Variants in PIEZO2 observed in about 807,000 individuals in gnomAD.
PIEZO2 encodes piezo type mechanosensitive ion channel component 2.
PIEZO2 carries 172 observed loss-of-function variants against 337.3 expected under a neutral mutation model. The observed-to-expected ratio is 0.51, with a 90% CI of 0.45 to 0.58. The LOEUF is 0.58. PIEZO2 is among the 20% of genes least tolerant of loss of function. The pLI is 0.00. For synonymous variants in PIEZO2, 1,251 were observed against 1,228.5 expected (o/e 1.02, Z -0.38); for missense variants, 3,028 against 3,391.3 (o/e 0.89, Z 2.66).
chr18:10,978,567 G>T lies in PIEZO2; in HGVS notation c.286+968C>A, dbSNP rs1270118130. Among the ~76,000 whole-genome samples, 3 of 152,124 alleles carry T rather than the reference G, an allele frequency of 2.0e-5. No homozygotes were observed. The East Asian group carries it at 5.8e-4, about 29-fold the overall frequency. ...TCTATCTAACAGTTATGCAGTGAGG[G>T]ATAATAGTTTATGTATATAAATTTT... On this transcript the variant is annotated intron_variant, in intron 3 of 55. Transcript: ENST00000674853.
intron 35 of PIEZO2, among the ~76,000 whole-genome samples, chr18:10,732,821 C>G (rs1007640595): frequency 1.3e-5 from 2 of 152,140 alleles, no homozygotes; most frequent in African/African-American, 4.8e-5. Context: ...AGTTATAGTA[C>G]ATTAATAAGC....
In PIEZO2 at chr18:10,962,414, G is replaced by A. The variant is rs1363385037; in HGVS notation, c.286+17121C>T. 6.6e-6 allele frequency among the ~76,000 whole-genome samples: 1 copy of A among 152,100 alleles called. No homozygotes were observed. The highest frequency in any genetic ancestry group is 6.5e-5 in the Admixed American group (1 of 15,270). On this transcript the variant is annotated intron_variant, in intron 3 of 55. Transcript: ENST00000674853. This position sits in a 1 kb window ranked among gnomAD's most constrained non-coding sequence, Gnocchi z 4.1. ...TTCTCAATTGTCCCTTAACACTCCT[G>A]TGAGGGGACAACCCTAAAGCCTGGG...
intron 1 of PIEZO2, among the ~76,000 whole-genome samples, chr18:11,136,825 A>G (rs1042443479): frequency 1.3e-5 from 2 of 152,198 alleles, no homozygotes; most frequent in African/African-American, 4.8e-5. Flanking sequence ...CTGAGATCTC[A>G]TAGTCTACAA....
Position 11,048,641 on chromosome 18 carries a change from C to G in PIEZO2, c.160+17486G>C, listed in dbSNP as rs2037409539. Among the ~76,000 whole-genome samples, 1 of 152,158 alleles carries G rather than the reference C, an allele frequency of 6.6e-6. No individual in the cohort carries two copies. The highest frequency in any genetic ancestry group is 2.1e-4 in the South Asian group (1 of 4,824). On this transcript the variant is annotated intron_variant, in intron 2 of 55. Transcript: ENST00000674853. This position sits in a 1 kb window ranked among gnomAD's most constrained non-coding sequence, Gnocchi z 4.5. ...ATAACTGAATTATTTATATTAGAAG[C>G]TTTCACTCACTGAATCAATTTTTAA...
chr18:10,705,466 A>G lies in PIEZO2; in HGVS notation c.5869T>C (p.Ser1957Pro), dbSNP rs2035539589. 1 of 1,537,118 alleles carries G rather than the reference A, an allele frequency of 6.5e-7. No individual in the cohort carries two copies. Among genetic ancestry groups the G allele is most frequent in the Non-Finnish European group, 8.7e-7 (1 of 1,146,920 alleles). ...TTCTTGCCTGCAGAGTCGTCCTGCG[A>G]GCCGAAGGACAGATGCTCGAAGCTC... Reference protein sequence around the residue: ...AVSFEHLSFGSQDDSAGKNRM... With the variant: ...AVSFEHLSFGPQDDSAGKNRM... The change falls in exon 41 of 56, where the codon TCG becomes CCG. Residue 1957 changes from serine to proline, a missense_variant. By Grantham distance (74) the Ser-to-Pro change is moderately conservative. Coordinates refer to ENST00000674853, the MANE Select transcript of PIEZO2 (RefSeq NM_001378183.1).
intron 51 of PIEZO2, among the ~76,000 whole-genome samples, chr18:10,681,451 A>G (rs1274610927): frequency 6.6e-6 from 1 of 152,230 alleles, no homozygotes; most frequent in African/African-American, 2.4e-5. Context: ...CAATATTTAA[A>G]TGTTTATTAC....
chr18:10,742,052 G>A (rs1040923808), intron 32 of PIEZO2, among the ~76,000 whole-genome samples: 2 of 152,316 alleles, frequency 1.3e-5, no homozygotes, highest in East Asian at 3.9e-4. Flanking sequence ...CTACTCGGGA[G>A]GCTGAGGCAG....
rs946894669 is a variant in PIEZO2, at chr18:11,112,385, C to A, written c.64+36140G>T. On this transcript the variant is annotated intron_variant, in intron 1 of 55. Transcript: ENST00000674853. The surrounding 1 kb of genome is among the most constrained non-coding windows in gnomAD (Gnocchi z 4.3). Reference sequence around the variant, plus strand: ...CTGGTCCAGTCATTCTGAGAACAACCCTTCAACGCTTTAATTAAAGAGGCC... The same window carrying A: ...CTGGTCCAGTCATTCTGAGAACAACACTTCAACGCTTTAATTAAAGAGGCC... Among the ~76,000 whole-genome samples the A allele has an allele frequency of 6.6e-6, 1 of 152,146 alleles. No homozygotes were observed. The highest frequency in any genetic ancestry group is 2.1e-4 in the South Asian group (1 of 4,824).
In PIEZO2 at chr18:10,833,192, C is replaced by T. The variant is rs1466809628; in HGVS notation, c.917+22161G>A. 1.3e-5 allele frequency among the ~76,000 whole-genome samples: 2 copies of T among 152,174 alleles called. No individual in the cohort carries two copies. Among genetic ancestry groups the T allele is most frequent in the African/African-American group, 4.8e-5 (2 of 41,448 alleles). ...GGCAGGATGGGGCAGTCGTCATGAA[C>T]ATGGCACATGGAGCATGGTTGAGGG... On this transcript the variant is annotated intron_variant, in intron 7 of 55. Transcript: ENST00000674853. The surrounding 1 kb of genome is among the most constrained non-coding windows in gnomAD (Gnocchi z 4.7).
At chr18:10,915,834 C>T (rs997690894) in intron 3 of PIEZO2, among the ~76,000 whole-genome samples, 11 of 152,082 alleles carry the variant, frequency 7.2e-5, no homozygotes, top group African/African-American at 2.4e-4. Flanking sequence ...AAGCCGCAGA[C>T]CCTCGCAGTG....
At chr18:11,084,070 G>A (rs1489399491) in intron 1 of PIEZO2, among the ~76,000 whole-genome samples, 1 of 151,520 alleles carries the variant, frequency 6.6e-6, no homozygotes, top group Non-Finnish European at 1.5e-5. Context: ...CCAGTTACTC[G>A]GGAGGCTGAG....
intron 20 of PIEZO2, among the ~76,000 whole-genome samples, chr18:10,772,111 A>G (rs75129285): frequency 0.028 from 4,305 of 152,230 alleles, 200 homozygotes; most frequent in African/African-American, 0.098. Context: ...GGTAAGAACA[A>G]CTCTTCTATC....
intron 42 of PIEZO2, among the ~76,000 whole-genome samples, chr18:10,703,337 G>A: frequency 6.6e-6 from 1 of 152,182 alleles, no homozygotes; most frequent in South Asian, 2.1e-4. Context: ...GTTTAGGGAT[G>A]ATTAACTTGG....
At chr18:11,056,993 C>T (rs1568335619) in intron 2 of PIEZO2, among the ~76,000 whole-genome samples, 1 of 152,166 alleles carries the variant, frequency 6.6e-6, no homozygotes, top group Non-Finnish European at 1.5e-5. Context: ...TGAATGAAGA[C>T]TGAAGGGAGA....
chr18:11,120,688 A>C (rs1259669382), intron 1 of PIEZO2, among the ~76,000 whole-genome samples: 3 of 152,246 alleles, frequency 2.0e-5, no homozygotes, highest in Non-Finnish European at 4.4e-5. Context: ...AAAATTCTAA[A>C]TATTAAATCA....
rs11413376 is a variant in PIEZO2 at position 11,083,620 on chromosome 18, C to CA, written c.65-17399dup. 0.58 allele frequency among the ~76,000 whole-genome samples: 88,760 copies of CA among 152,024 alleles called. 27,632 individuals carry two copies. Among genetic ancestry groups the CA allele is most frequent in the African/African-American group, 0.82 (33,936 of 41,498 alleles). On this transcript the variant is annotated intron_variant, in intron 1 of 55. Coordinates refer to ENST00000674853, the MANE Select transcript of PIEZO2 (RefSeq NM_001378183.1). This position sits in a 1 kb window ranked among gnomAD's most constrained non-coding sequence, Gnocchi z 4.4. ...AAAGTTACTTATGAAAGGCTTGGTG[C>CA]AGAGTCTGAGGGCACAGAGTTTTGC...
At chr18:11,108,474 C>T (rs574811895) in intron 1 of PIEZO2, among the ~76,000 whole-genome samples, 85 of 150,890 alleles carry the variant, frequency 5.6e-4, no homozygotes, top group Middle Eastern at 3.4e-3. Flanking sequence ...AGTAGCCGGG[C>T]GCGGTGGCGG....
chr18:10,949,051 A>T (rs1403126791), intron 3 of PIEZO2, among the ~76,000 whole-genome samples: 3 of 152,220 alleles, frequency 2.0e-5, no homozygotes, highest in Non-Finnish European at 4.4e-5. Flanking sequence ...AAGAAGGCTG[A>T]ATATTAGAAC....
Position 10,807,120 on chromosome 18 carries a change from C to G in PIEZO2, c.1072G>C (p.Glu358Gln), listed in dbSNP as rs1406952811. Residue 358 changes from glutamate (E) to glutamine (Q), a missense_variant, in exon 8 of 56, where the codon GAG (glutamate) becomes CAG (glutamine). Around this residue, in one of 5 missense-constraint regions of PIEZO2, gnomAD observed 542 missense variants for 605.6 expected, o/e 0.89. Transcript: ENST00000674853. ...LATLIRIWLQ[E>Q]PLVQDEGTKE... ...AATGTTTTTGTCCTTACAAGGGGCT[C>G]TTGCAGCCAGATGCGGATCAGAGTG... 1 of 1,535,184 alleles carries G rather than the reference C, an allele frequency of 6.5e-7. No individual in the cohort carries two copies. Among genetic ancestry groups the G allele is most frequent in the African/African-American group, 1.4e-5 (1 of 72,970 alleles).
Sources: gnomAD v4.1 joint callset for allele counts (sites outside exome capture counted in the v4.1 genomes callset) on GRCh38, gnomAD v4.1.1 for gene constraint, gnomAD v4.1.1 regional missense constraint, Gnocchi (gnomAD v3.1) non-coding constraint, MANE v1.5 for transcripts, NCBI Gene and HGNC (gene_info 2026-07-23, HGNC 2026-07-21) for gene names.